Variants in HHIPL1 observed in about 807,000 individuals in gnomAD.
HHIPL1 encodes the protein HHIP-like protein 1.
HHIPL1 carries 43 observed loss-of-function variants against 61.8 expected under a neutral mutation model. That is an observed-to-expected ratio of 0.70 (90% confidence interval 0.55 to 0.90). The LOEUF (loss-of-function observed/expected upper bound fraction) is 0.90, where lower values mean the gene tolerates loss of function less well. Among genes scored for constraint, HHIPL1 ranks in the 40% least tolerant of loss-of-function variants. The probability of loss-of-function intolerance (pLI) is 0.00; values close to 1 mark genes in which losing one functional copy is unlikely to be tolerated. For missense variants in HHIPL1, 1,056 were observed against 1,157.7 expected (o/e 0.91, Z 1.28); for synonymous variants, 482 against 515.8 (o/e 0.93, Z 0.89).
At chr14:99,632,560 T>C in the HHIPL1 span, among the ~76,000 whole-genome samples, 1 of 152,174 alleles carries the variant, frequency 6.6e-6, no homozygotes, top group Non-Finnish European at 1.5e-5. Context: ...GTAGCCAAGC[T>C]CTGAGCAGGC....
chr14:99,649,465 G>C (rs2055892026), intron 1 of HHIPL1, among the ~76,000 whole-genome samples: 1 of 152,168 alleles, frequency 6.6e-6, no homozygotes, highest in Admixed American at 6.5e-5. Context: ...CTTGGCACGT[G>C]GCCTTCTTTA....
At chr14:99,661,038 T>C (rs2056142795) in intron 5 of HHIPL1, among the ~76,000 whole-genome samples, 1 of 152,090 alleles carries the variant, frequency 6.6e-6, no homozygotes, top group Non-Finnish European at 1.5e-5. Flanking sequence ...GGGAGGAGGA[T>C]GAATCACATC....
At chr14:99,647,403 T>C (rs1437487410) in intron 1 of HHIPL1, among the ~76,000 whole-genome samples, 1 of 152,220 alleles carries the variant, frequency 6.6e-6, no homozygotes, top group Non-Finnish European at 1.5e-5. Flanking sequence ...CATTTGTCTA[T>C]TGAGCACTTG....
chr14:99,668,784 A>T lies in HHIPL1; in HGVS notation c.1730+481A>T. Reference sequence around the variant, plus strand: ...TGGTCCATCTTCCACTGGGGAAAACACATTGGGGCTCCCTTCGCCGGCTCC... The same window carrying T: ...TGGTCCATCTTCCACTGGGGAAAACTCATTGGGGCTCCCTTCGCCGGCTCC... On this transcript the variant is annotated intron_variant, in intron 7 of 8. Coordinates refer to ENST00000330710, the MANE Select transcript of HHIPL1 (RefSeq NM_001127258.3). This position sits in a 1 kb window ranked among gnomAD's most constrained non-coding sequence, Gnocchi z 4.7. 6.2e-7 allele frequency: 1 copy of T among 1,606,790 alleles called. No homozygotes were observed. The highest frequency in any genetic ancestry group is 8.5e-7 in the Non-Finnish European group (1 of 1,178,650).
At chr14:99,611,904 C>A in the HHIPL1 span, among the ~76,000 whole-genome samples, 10 of 152,182 alleles carry the variant, frequency 6.6e-5, no homozygotes, top group Admixed American at 6.5e-4. Context: ...TTCCAAAGAG[C>A]TGGGGCTAAT....
chr14:99,673,907 G>C (rs2056356783), intron 8 of HHIPL1, among the ~76,000 whole-genome samples: 1 of 132,520 alleles, frequency 7.5e-6, no homozygotes, highest in Non-Finnish European at 1.6e-5. Context: ...TGCACTGAGG[G>C]GGGCTGGCAC....
chr14:99,675,255 C>A lies in HHIPL1; in HGVS notation c.1978C>A (p.Arg660=). The A allele has an allele frequency of 8.1e-7, 1 of 1,236,086 alleles. No homozygotes were observed. Among genetic ancestry groups the A allele is most frequent in the Non-Finnish European group, 1.0e-6 (1 of 990,620 alleles). The allele number at this position is 1,236,086 out of a possible 1,614,324, so 76.6% of individuals were successfully genotyped here. A position where few individuals can be genotyped will look rare whatever the true frequency, so the allele number is the denominator to read the frequency against. The change falls in exon 9 of 9, where the codon CGG becomes AGG. Residue 660 remains arginine (R), a synonymous_variant. Transcript: ENST00000330710. This position sits in a 1 kb window ranked among gnomAD's most constrained non-coding sequence, Gnocchi z 5.4. The part of the protein sequence containing the change: ...SRRGGGRRRG[R]LNSASRAFRD... ...GAGGGGCGGCGGGCGGCGGCGGGGG[C>A]GGCTGAACTCGGCGAGCCGGGCGTT...
intron 2 of HHIPL1, among the ~76,000 whole-genome samples, chr14:99,656,471 A>G (rs1395258958): frequency 6.6e-6 from 1 of 151,990 alleles, no homozygotes; most frequent in Non-Finnish European, 1.5e-5. Flanking sequence ...ACTTAATGTA[A>G]AGGATATGAA....
At chr14:99,645,954 C>T (rs996651873) in intron 1 of HHIPL1, among the ~76,000 whole-genome samples, 11 of 152,188 alleles carry the variant, frequency 7.2e-5, no homozygotes, top group African/African-American at 2.7e-4. Flanking sequence ...GGGGTTGGGG[C>T]CACTGTCCCC....
At chr14:99,644,645 C>A (rs1156634750), upstream of HHIPL1, among the ~76,000 whole-genome samples, 2 of 152,092 alleles carry the variant, frequency 1.3e-5, no homozygotes, top group African/African-American at 4.8e-5. Context: ...GGGAAGAAGC[C>A]CACAGTAAGG....
chr14:99,624,293 C>T, the HHIPL1 span, among the ~76,000 whole-genome samples: 1 of 152,170 alleles, frequency 6.6e-6, no homozygotes, highest in Non-Finnish European at 1.5e-5. Flanking sequence ...CAGGAGCAGA[C>T]CTGCTGCCAA....
chr14:99,660,351 G>A lies in HHIPL1; in HGVS notation c.1447G>A (p.Gly483Ser), dbSNP rs148827775. 2.7e-5 allele frequency: 43 copies of A among 1,614,012 alleles called. No homozygotes were observed. Among genetic ancestry groups the A allele is most frequent in the Non-Finnish European group, 3.5e-5 (41 of 1,180,010 alleles). Residue 483 changes from glycine to serine, a missense_variant, in exon 5 of 9, where the codon GGC becomes AGC. Transcript: ENST00000330710. This position sits in a 1 kb window ranked among gnomAD's most constrained non-coding sequence, Gnocchi z 4.9. Reference sequence around the variant, plus strand: ...GGTCACAGGGGGCTACGTGTACCGGGGCTGCGAGTACCCCAACCTGAACGG... The same window carrying A: ...GGTCACAGGGGGCTACGTGTACCGGAGCTGCGAGTACCCCAACCTGAACGG... ...KSVTGGYVYRGCEYPNLNGLY... is the reference protein window; with the variant it reads ...KSVTGGYVYRSCEYPNLNGLY...
At chr14:99,617,159 T>C in the HHIPL1 span, among the ~76,000 whole-genome samples, 1 of 152,190 alleles carries the variant, frequency 6.6e-6, no homozygotes. Flanking sequence ...AAGAGACACA[T>C]AATACCTTGC....
At chr14:99,639,953 C>A in the HHIPL1 span, among the ~76,000 whole-genome samples, 1 of 152,358 alleles carries the variant, frequency 6.6e-6, no homozygotes, top group Non-Finnish European at 1.5e-5. Context: ...AGCCACCATG[C>A]CCCGCCTAGG....
chr14:99,636,278 G>C, the HHIPL1 span, among the ~76,000 whole-genome samples: 2 of 151,914 alleles, frequency 1.3e-5, no homozygotes, highest in Non-Finnish European at 2.9e-5. Context: ...ACCTGGGGGT[G>C]GAGTTCTGTT....
At chr14:99,606,373 A>G in the HHIPL1 span, among the ~76,000 whole-genome samples, 3 of 152,190 alleles carry the variant, frequency 2.0e-5, no homozygotes, top group Non-Finnish European at 2.9e-5. Flanking sequence ...AAGCCATATT[A>G]ACTTCAAGGA....
chr14:99,621,681 A>T, the HHIPL1 span, among the ~76,000 whole-genome samples: 1 of 148,562 alleles, frequency 6.7e-6, no homozygotes, highest in Non-Finnish European at 1.5e-5. Context: ...TCTCAACCTC[A>T]GAGGATTCCC....
chr14:99,659,851 C>CA, intron 4 of HHIPL1, 95 bp downstream of exon 4: 1 of 551,518 alleles, frequency 1.8e-6, no homozygotes, highest in Non-Finnish European at 2.7e-6. Context: ...ACCGCACCCC[C>CA]CCCCCCCCGG....
At chr14:99,645,483 C>A in intron 1 of HHIPL1, 21 bp downstream of exon 1, 1 of 1,264,178 alleles carries the variant, frequency 7.9e-7, no homozygotes. Flanking sequence ...GCGCGGCCAC[C>A]GGGCGGGGCG....
Sources: gnomAD v4.1 joint callset for allele counts (sites outside exome capture counted in the v4.1 genomes callset) on GRCh38, gnomAD v4.1.1 for gene constraint, Gnocchi (gnomAD v3.1) non-coding constraint, MANE v1.5 for transcripts, NCBI Gene and HGNC (gene_info 2026-07-23, HGNC 2026-07-21) for gene names.